The following JPH2 variants were observed in gnomAD, a reference collection of about 807,000 sequenced individuals.
JPH2 encodes junctophilin 2.
In JPH2, 38 loss-of-function variants were observed where a neutral mutation model predicts 55.9. That is an observed-to-expected ratio of 0.68 (90% CI 0.52 to 0.89). JPH2 has a LOEUF of 0.89. Among genes scored for constraint, JPH2 ranks in the 40% least tolerant of loss-of-function variants. The pLI is 0.00. For missense variants in JPH2, 964 were observed against 1,037.6 expected (o/e 0.93, Z 0.97); for synonymous variants, 480 against 472.4 (o/e 1.02, Z -0.21).
At chr20:44,154,140 C>T (rs369014038) in intron 2 of JPH2, among the ~76,000 whole-genome samples, 1 of 152,144 alleles carries the variant, frequency 6.6e-6, no homozygotes, top group East Asian at 1.9e-4. Context: ...TGCTCAGTGA[C>T]AGGGTTGGGA....
chr20:44,146,180 C>T (rs2072493225), intron 2 of JPH2, among the ~76,000 whole-genome samples: 1 of 151,952 alleles, frequency 6.6e-6, no homozygotes, highest in Non-Finnish European at 1.5e-5. Flanking sequence ...ACTACAGGCG[C>T]CCACTGCCAC....
At chr20:44,134,773 T>TTTATAAATATACATAAATATACATTTA (rs1569195506) in intron 2 of JPH2, among the ~76,000 whole-genome samples, 3 of 104,816 alleles carry the variant, frequency 2.9e-5, no homozygotes, top group African/African-American at 1.1e-4. Context: ...TATAAAAATA[T>TTTATAAATATACATAAATATACATTTA]TTATAAATAT....
intron 2 of JPH2, among the ~76,000 whole-genome samples, chr20:44,153,302 A>C (rs1337878691): frequency 6.6e-6 from 1 of 152,236 alleles, no homozygotes; most frequent in African/African-American, 2.4e-5. Context: ...GGGAGGAGGT[A>C]ATATAATTCC....
At chr20:44,145,222 A>AACACTTGC (rs1469336859) in intron 2 of JPH2, among the ~76,000 whole-genome samples, 6 of 152,186 alleles carry the variant, frequency 3.9e-5, no homozygotes, top group African/African-American at 1.2e-4. Context: ...ACTGTGGGGA[A>AACACTTGC]ACACTTGCAT....
intron 2 of JPH2, among the ~76,000 whole-genome samples, chr20:44,137,683 C>A (rs1007576395): frequency 6.6e-6 from 1 of 152,212 alleles, no homozygotes; most frequent in Non-Finnish European, 1.5e-5. Context: ...AGATCGGATT[C>A]GGCCCCAGGC....
chr20:44,141,050 T>C (rs1258888353), intron 2 of JPH2, among the ~76,000 whole-genome samples: 1 of 152,110 alleles, frequency 6.6e-6, no homozygotes, highest in Non-Finnish European at 1.5e-5. Flanking sequence ...AGAGGTGCAG[T>C]GAAGGGGCTA....
intron 2 of JPH2, among the ~76,000 whole-genome samples, chr20:44,155,008 G>C (rs1376294605): frequency 1.1e-5 from 1 of 93,672 alleles, no homozygotes; most frequent in Non-Finnish European, 2.4e-5. Flanking sequence ...TTCTCGGTGG[G>C]AGCTCAAAAC....
chr20:44,162,010 G>T (rs2072613697), intron 1 of JPH2, among the ~76,000 whole-genome samples: 1 of 152,140 alleles, frequency 6.6e-6, no homozygotes, highest in Non-Finnish European at 1.5e-5. Context: ...CACAGTCCTG[G>T]TCTTTCTTTC....
chr20:44,127,959 T>C (rs1273180276), intron 2 of JPH2, among the ~76,000 whole-genome samples: 1 of 152,240 alleles, frequency 6.6e-6, no homozygotes, highest in Non-Finnish European at 1.5e-5. Context: ...CAGATTTTAA[T>C]TGGATTTTTT....
At chr20:44,156,552 T>G (rs1356262682) in intron 2 of JPH2, among the ~76,000 whole-genome samples, 1 of 152,162 alleles carries the variant, frequency 6.6e-6, no homozygotes, top group Non-Finnish European at 1.5e-5. Flanking sequence ...GGGTTCAGTC[T>G]CTGGTGAGGC....
At chr20:44,184,540 C>A (rs139728928) in intron 1 of JPH2, among the ~76,000 whole-genome samples, 1 of 152,110 alleles carries the variant, frequency 6.6e-6, no homozygotes, top group Admixed American at 6.5e-5. Context: ...TGATGCTGCC[C>A]GTCCACCGTC....
At position 44,108,300 on chromosome 20, in the gene JPH2, G is replaced by T. The variant is rs762308347; in HGVS notation, c.*5218C>A. On this transcript the variant is annotated 3_prime_UTR_variant, in exon 6 of 6. Coordinates refer to ENST00000372980, the MANE Select transcript of JPH2 (RefSeq NM_020433.5). ...CCTTTCCCTTGGCTGGTTCTGATTC[G>T]CATTCTTTGCTTGTAATCAATGTGA... Among the ~76,000 whole-genome samples the T allele has an allele frequency of 1.1e-4, 16 of 152,042 alleles. No homozygotes were observed. Among genetic ancestry groups the T allele is most frequent in the African/African-American group, 3.4e-4 (14 of 41,372 alleles).
intron 2 of JPH2, among the ~76,000 whole-genome samples, chr20:44,143,969 C>T (rs998210645): frequency 6.6e-6 from 1 of 151,926 alleles, no homozygotes; most frequent in Non-Finnish European, 1.5e-5. Flanking sequence ...CCCAAAGAAC[C>T]AGAGGCTCGA....
In JPH2 at chr20:44,134,659, T is replaced by A. The variant is rs1569195055; in HGVS notation, c.1170-16036A>T. 4.3e-3 allele frequency among the ~76,000 whole-genome samples: 122 copies of A among 28,182 alleles called. 16 individuals are homozygous for A. Among genetic ancestry groups the A allele is most frequent in the African/African-American group, 0.017 (114 of 6,564 alleles). The allele number at this position is 28,182 out of a possible 152,430, so 18.5% of individuals were successfully genotyped here. Reference sequence around the variant, plus strand: ...TAAATATATAAATATTTATTATAAATATATATAAATATATATTTATAAATA... The same window carrying A: ...TAAATATATAAATATTTATTATAAAAATATATAAATATATATTTATAAATA... On this transcript the variant is annotated intron_variant, in intron 2 of 5. Coordinates refer to ENST00000372980, the MANE Select transcript of JPH2 (RefSeq NM_020433.5).
Position 44,186,765 on chromosome 20 carries a change from A to G in JPH2, c.-60T>C. The G allele has an allele frequency of 6.5e-7, 1 of 1,532,266 alleles. No homozygotes were observed. The highest frequency in any genetic ancestry group is 8.9e-7 in the Non-Finnish European group (1 of 1,120,794). The allele number at this position is 1,532,266 out of a possible 1,614,324, so 94.9% of individuals were successfully genotyped here. The stretch of plus-strand genomic sequence containing the variant: ...AGCGTGGGTGCAGAGGGCGTGGGTG[A>G]TGCCTGCAACACTCCTCCAGTGCCC... On this transcript the variant is annotated 5_prime_UTR_variant, in exon 1 of 6. Transcript: ENST00000372980.
At position 44,114,874 on chromosome 20, in the gene JPH2, G is replaced by C. The variant is rs1381603149; in HGVS notation, c.2013C>G (p.Val671=). The C allele has an allele frequency of 1.2e-6, 2 of 1,600,690 alleles. No individual in the cohort carries two copies. The highest frequency in any genetic ancestry group is 1.7e-6 in the Non-Finnish European group (2 of 1,174,472). ...AAEAEVEVEE[V]PNTILICMVI... ...CCATGCAGATGAGGATGGTGTTGGG[G>C]ACCTGGGAGCAGTGGAGAGAGGCTT... Residue 671 remains valine, a splice_region_variant and synonymous_variant, in exon 5 of 6, where the codon GTC becomes GTG. Coordinates refer to ENST00000372980, the MANE Select transcript of JPH2 (RefSeq NM_020433.5).
At chr20:44,166,749 T>G (rs2072658630) in intron 1 of JPH2, among the ~76,000 whole-genome samples, 1 of 152,088 alleles carries the variant, frequency 6.6e-6, no homozygotes, top group South Asian at 2.1e-4. Context: ...ACAGGAAGAA[T>G]GCATCCACAG....
At chr20:44,123,751 T>A (rs2072256287) in intron 2 of JPH2, among the ~76,000 whole-genome samples, 1 of 152,180 alleles carries the variant, frequency 6.6e-6, no homozygotes. Flanking sequence ...CTCATCGGAA[T>A]TTGAAGGGAA....
At position 44,159,643 on chromosome 20, in the gene JPH2, G is replaced by A. The variant is rs1348172822; in HGVS notation, c.1144C>T (p.Gln382Ter). 6.2e-7 allele frequency: 1 copy of A among 1,606,106 alleles called. No individual in the cohort carries two copies. Among genetic ancestry groups the A allele is most frequent in the South Asian group, 1.1e-5 (1 of 91,020 alleles). ...GAQRAAAIARQKAEIAASRTS... is the reference protein window; with the variant it reads ...GAQRAAAIAR ...CTGGAGGCGGCAATCTCGGCCTTCT[G>A]GCGCGCGATAGCAGCGGCGCGCTGG... The change falls in exon 2 of 6, where the codon CAG becomes TAG. Residue 382 changes from glutamine to a stop codon, truncating the protein, a stop_gained. Transcript: ENST00000372980. LOFTEE classifies it high-confidence loss of function. The surrounding 1 kb of genome is among the most constrained non-coding windows in gnomAD (Gnocchi z 5.7).
Sources: allele counts gnomAD v4.1 joint callset (sites outside exome capture counted in the v4.1 genomes callset), GRCh38; gene constraint gnomAD v4.1.1; non-coding constraint Gnocchi (gnomAD v3.1); transcripts MANE v1.5; gene names NCBI Gene and HGNC (gene_info 2026-07-23, HGNC 2026-07-21).